Variants in NHSL1 observed in about 807,000 individuals in gnomAD.
NHSL1 encodes the protein NHS like 1.
In NHSL1, 48 loss-of-function variants were observed where a neutral mutation model predicts 95.0. The observed-to-expected ratio is 0.51, with a 90% CI of 0.40 to 0.64. NHSL1 has a LOEUF of 0.64. Ranked by LOEUF, NHSL1 falls within the 30% of genes least tolerant of loss-of-function variation. The pLI is 0.00. For synonymous variants in NHSL1, 783 were observed against 833.9 expected (o/e 0.94, Z 1.05); for missense variants, 1,971 against 2,077.7 (o/e 0.95, Z 1.00).
chr6:138,684,422 C>A (rs1785555527), intron 1 of NHSL1, among the ~76,000 whole-genome samples: 1 of 151,844 alleles, frequency 6.6e-6, no homozygotes, highest in Admixed American at 6.6e-5. Flanking sequence ...CCAAGGCGGG[C>A]GGATCACAAG....
chr6:138,537,117 A>C (rs150276574), intron 1 of NHSL1, among the ~76,000 whole-genome samples: 1 of 152,332 alleles, frequency 6.6e-6, no homozygotes, highest in African/African-American at 2.4e-5. Context: ...AATTTTATGA[A>C]AGGCACCATC....
chr6:138,533,573 A>G (rs1192780617), intron 1 of NHSL1, among the ~76,000 whole-genome samples: 2 of 152,204 alleles, frequency 1.3e-5, no homozygotes, highest in Non-Finnish European at 2.9e-5. Context: ...TAAATTTAAA[A>G]AATACACATT....
chr6:138,631,448 G>A (rs1051872300), intron 1 of NHSL1, among the ~76,000 whole-genome samples: 1 of 152,126 alleles, frequency 6.6e-6, no homozygotes, highest in African/African-American at 2.4e-5. Flanking sequence ...ATCCAAAAGA[G>A]ACCCCTTCCT....
At chr6:138,563,304 T>C (rs1783483228) in intron 1 of NHSL1, among the ~76,000 whole-genome samples, 1 of 152,240 alleles carries the variant, frequency 6.6e-6, no homozygotes, top group Admixed American at 6.5e-5. Flanking sequence ...ATAGGTCGAC[T>C]GATTCAGACA....
chr6:138,670,404 C>T (rs1170581834), intron 1 of NHSL1, among the ~76,000 whole-genome samples: 3 of 151,268 alleles, frequency 2.0e-5, no homozygotes, highest in Non-Finnish European at 4.4e-5. Flanking sequence ...CGGTGGCTCA[C>T]GCCTATAATC....
intron 3 of NHSL1, among the ~76,000 whole-genome samples, chr6:138,457,167 T>C (rs1349657672): frequency 6.6e-6 from 1 of 152,158 alleles, no homozygotes; most frequent in East Asian, 1.9e-4. Flanking sequence ...AGGCACACAC[T>C]ACCATGCCTG....
At chr6:138,436,122 G>T (rs958918636) in intron 5 of NHSL1, among the ~76,000 whole-genome samples, 1 of 152,042 alleles carries the variant, frequency 6.6e-6, no homozygotes, top group Non-Finnish European at 1.5e-5. Flanking sequence ...AGCCTCTAAG[G>T]GTTCAAGCGA....
intron 1 of NHSL1, among the ~76,000 whole-genome samples, chr6:138,527,730 A>G (rs1397605722): frequency 2.0e-5 from 3 of 152,208 alleles, no homozygotes; most frequent in Admixed American, 6.5e-5. Context: ...AGCATTGAAC[A>G]CACACACATG....
chr6:138,457,955 T>C (rs1240024174), intron 3 of NHSL1, among the ~76,000 whole-genome samples: 10 of 145,210 alleles, frequency 6.9e-5, no homozygotes, highest in South Asian at 2.2e-4. Context: ...TTGTGGTGAG[T>C]CAAGATTGTG....
chr6:138,428,875 G>A (rs937900174), intron 7 of NHSL1, among the ~76,000 whole-genome samples: 2 of 152,202 alleles, frequency 1.3e-5, no homozygotes, highest in Admixed American at 6.5e-5. Context: ...TGGAAATACC[G>A]TGGTAGAGAA....
chr6:138,602,736 T>G (rs1260001854), intron 1 of NHSL1, among the ~76,000 whole-genome samples: 1 of 152,238 alleles, frequency 6.6e-6, no homozygotes, highest in African/African-American at 2.4e-5. Context: ...CCCAACAATA[T>G]GGGGCATTTA....
At chr6:138,514,928 GCAA>G (rs777364804) in intron 1 of NHSL1, among the ~76,000 whole-genome samples, 27 of 151,854 alleles carry the variant, frequency 1.8e-4, no homozygotes, top group Non-Finnish European at 2.1e-4. Flanking sequence ...GTCTCACACA[GCAA>G]CAACAACAAA....
chr6:138,626,350 A>C (rs1367320917), intron 1 of NHSL1, among the ~76,000 whole-genome samples: 1 of 152,216 alleles, frequency 6.6e-6, no homozygotes, highest in African/African-American at 2.4e-5. Context: ...AAAGAGCCAC[A>C]GACATTTTCT....
At chr6:138,582,006 C>T (rs931188915) in intron 1 of NHSL1, among the ~76,000 whole-genome samples, 2 of 150,868 alleles carry the variant, frequency 1.3e-5, no homozygotes, top group Non-Finnish European at 2.9e-5. Flanking sequence ...AAGCGATTCT[C>T]GAGCCTCCAC....
At chr6:138,563,624 T>A (rs1043165946) in intron 1 of NHSL1, among the ~76,000 whole-genome samples, 1 of 152,266 alleles carries the variant, frequency 6.6e-6, no homozygotes, top group Non-Finnish European at 1.5e-5. Flanking sequence ...ATTCATTTAT[T>A]CAATAAATAA....
chr6:138,439,975 A>C (rs1776426758), intron 5 of NHSL1, among the ~76,000 whole-genome samples: 1 of 152,170 alleles, frequency 6.6e-6, no homozygotes, highest in Non-Finnish European at 1.5e-5. Context: ...TGGCTTCCAT[A>C]CTGGTTGGTT....
chr6:138,687,708 C>T (rs1022120220), intron 1 of NHSL1, among the ~76,000 whole-genome samples: 1 of 152,072 alleles, frequency 6.6e-6, no homozygotes, highest in African/African-American at 2.4e-5. Context: ...TTATGAACTT[C>T]GAAAAGTTCA....
chr6:138,466,663 T>C (rs1052915579), intron 3 of NHSL1, among the ~76,000 whole-genome samples: 2 of 152,158 alleles, frequency 1.3e-5, no homozygotes, highest in Admixed American at 6.5e-5. Flanking sequence ...ATAACGGAGC[T>C]GAGAAATTTC....
intron 2 of NHSL1, among the ~76,000 whole-genome samples, chr6:138,491,848 C>T (rs890604407): frequency 9.9e-5 from 15 of 152,094 alleles, no homozygotes; most frequent in African/African-American, 3.4e-4. Context: ...AATCCCTAAT[C>T]CCAAAACCCA....
Sources: allele counts gnomAD v4.1 joint callset (sites outside exome capture counted in the v4.1 genomes callset), GRCh38; gene constraint gnomAD v4.1.1; transcripts MANE v1.5; gene names NCBI Gene and HGNC (gene_info 2026-07-23, HGNC 2026-07-21).